Variants in SPAG16 observed in about 807,000 individuals in gnomAD.
SPAG16 encodes sperm associated antigen 16, also known as sperm-associated antigen 16 protein.
A neutral mutation model predicts 80.4 loss-of-function variants in SPAG16; 86 were observed. The observed-to-expected ratio is 1.07, with a 90% CI of 0.90 to 1.28. The LOEUF is 1.28. SPAG16 is among the 50% of genes most tolerant of loss of function. The pLI is 0.00. For missense variants in SPAG16, 870 were observed against 765.3 expected (o/e 1.14, Z -1.61); for synonymous variants, 294 against 265.9 (o/e 1.11, Z -1.03).
chr2:213,853,672 TG>T (rs1183158557), intron 10 of SPAG16, among the ~76,000 whole-genome samples: 3 of 152,186 alleles, frequency 2.0e-5, no homozygotes, highest in Non-Finnish European at 4.4e-5. Context: ...CCTTTATTTT[TG>T]AATCTTGTAA....
intron 10 of SPAG16, among the ~76,000 whole-genome samples, chr2:213,492,292 G>T (rs958783240): frequency 6.6e-6 from 1 of 152,112 alleles, no homozygotes; most frequent in Non-Finnish European, 1.5e-5. Flanking sequence ...GGTGGCTCAC[G>T]CCTGTAATCC....
chr2:214,333,365 T>A (rs1697060944), intron 15 of SPAG16, among the ~76,000 whole-genome samples: 1 of 152,258 alleles, frequency 6.6e-6, no homozygotes, highest in Non-Finnish European at 1.5e-5. Flanking sequence ...CTGCATGTCA[T>A]GCCACCCTGG....
intron 9 of SPAG16, among the ~76,000 whole-genome samples, chr2:213,385,911 A>G (rs1385998385): frequency 6.6e-6 from 1 of 152,086 alleles, no homozygotes; most frequent in African/African-American, 2.4e-5. Context: ...TTCCTATAAT[A>G]TGTTTTCAAA....
intron 10 of SPAG16, among the ~76,000 whole-genome samples, chr2:213,630,281 G>A (rs2125079274): frequency 6.6e-6 from 1 of 152,240 alleles, no homozygotes; most frequent in South Asian, 2.1e-4. Context: ...CTACTCGGGA[G>A]GCTGAGGCAG....
At chr2:213,937,210 G>A (rs976273282) in intron 12 of SPAG16, among the ~76,000 whole-genome samples, 16 of 151,988 alleles carry the variant, frequency 1.1e-4, no homozygotes, top group Non-Finnish European at 2.2e-4. Flanking sequence ...TGCAAAGTTG[G>A]CTATGCTAGC....
At chr2:213,373,999 A>G (rs2066767886) in intron 8 of SPAG16, among the ~76,000 whole-genome samples, 1 of 152,178 alleles carries the variant, frequency 6.6e-6, no homozygotes, top group East Asian at 1.9e-4. Context: ...AGACTTCAGT[A>G]TCCTAGATGC....
chr2:213,418,217 TG>T (rs916039764), intron 9 of SPAG16, among the ~76,000 whole-genome samples: 12 of 152,178 alleles, frequency 7.9e-5, no homozygotes, highest in African/African-American at 2.9e-4. Flanking sequence ...TATGCATACA[TG>T]GTATTTATAG....
chr2:214,074,204 C>T (rs937479519), intron 13 of SPAG16, among the ~76,000 whole-genome samples: 16 of 152,164 alleles, frequency 1.1e-4, no homozygotes, highest in African/African-American at 3.9e-4. Flanking sequence ...TGATCTTAGA[C>T]TGCCAGCCTC....
chr2:214,067,308 T>C (rs545825506), intron 13 of SPAG16, among the ~76,000 whole-genome samples: 2 of 152,320 alleles, frequency 1.3e-5, no homozygotes, highest in Admixed American at 1.3e-4. Context: ...GCCTTTTCAA[T>C]ATTTTACTCT....
intron 15 of SPAG16, among the ~76,000 whole-genome samples, chr2:214,350,489 A>ATATC (rs930170053): frequency 6.6e-6 from 1 of 152,190 alleles, no homozygotes; most frequent in Non-Finnish European, 1.5e-5. Context: ...AGTAGATAAT[A>ATATC]TATCTTTTGA....
chr2:213,615,823 G>A (rs1034650176), intron 10 of SPAG16, among the ~76,000 whole-genome samples: 13 of 151,908 alleles, frequency 8.6e-5, no homozygotes, highest in African/African-American at 2.9e-4. Context: ...TATATATTAT[G>A]TTATAGGGTT....
chr2:214,177,581 G>A (rs867380729), intron 15 of SPAG16, among the ~76,000 whole-genome samples: 8 of 150,522 alleles, frequency 5.3e-5, no homozygotes, highest in East Asian at 2.0e-4. Flanking sequence ...TTTTTTAGGC[G>A]AAATAAATTC....
intron 12 of SPAG16, among the ~76,000 whole-genome samples, chr2:213,953,903 G>A (rs1052315795): frequency 2.6e-5 from 4 of 152,016 alleles, no homozygotes; most frequent in African/African-American, 9.7e-5. Flanking sequence ...ATGGTGAATT[G>A]TGGAAACTGC....
chr2:213,602,632 C>T (rs1371220846), intron 10 of SPAG16, among the ~76,000 whole-genome samples: 1 of 152,178 alleles, frequency 6.6e-6, no homozygotes, highest in South Asian at 2.1e-4. Context: ...GACTCCGTCT[C>T]ACAAAACAAA....
intron 10 of SPAG16, among the ~76,000 whole-genome samples, chr2:213,563,504 G>T (rs1053482309): frequency 6.6e-6 from 1 of 152,182 alleles, no homozygotes; most frequent in African/African-American, 2.4e-5. Context: ...TCTCTTTCTG[G>T]CTTGCAGATT....
intron 10 of SPAG16, among the ~76,000 whole-genome samples, chr2:213,677,763 C>T (rs1039571340): frequency 4.6e-5 from 7 of 152,078 alleles, no homozygotes; most frequent in African/African-American, 9.7e-5. Context: ...CTGCACCAAG[C>T]GGACCTAATA....
At chr2:213,563,993 A>G (rs1483067284) in intron 10 of SPAG16, among the ~76,000 whole-genome samples, 1 of 152,210 alleles carries the variant, frequency 6.6e-6, no homozygotes, top group African/African-American at 2.4e-5. Flanking sequence ...AAAGGAGGAA[A>G]GGGAGCTTTG....
intron 9 of SPAG16, among the ~76,000 whole-genome samples, chr2:213,462,696 T>A (rs1399333078): frequency 6.6e-6 from 1 of 152,218 alleles, no homozygotes; most frequent in East Asian, 1.9e-4. Flanking sequence ...GGTGCCTGTT[T>A]CTCCTTTGCC....
At chr2:213,856,117 T>C (rs1223892743) in intron 10 of SPAG16, among the ~76,000 whole-genome samples, 2 of 152,148 alleles carry the variant, frequency 1.3e-5, no homozygotes, top group Non-Finnish European at 2.9e-5. Context: ...TTGGTAAATA[T>C]ACCCATTCCA....
Sources: gnomAD v4.1 joint callset for allele counts (sites outside exome capture counted in the v4.1 genomes callset) on GRCh38, gnomAD v4.1.1 for gene constraint, MANE v1.5 for transcripts, NCBI Gene and HGNC (gene_info 2026-07-23, HGNC 2026-07-21) for gene names.